FLNB: variants seen among roughly 807,000 people sequenced by gnomAD.
FLNB encodes the protein filamin-B.
In FLNB, 111 loss-of-function variants were observed where a neutral mutation model predicts 250.6. The observed-to-expected ratio is 0.44, with a 90% CI of 0.38 to 0.52. The LOEUF is 0.52. Among genes scored for constraint, FLNB ranks in the 20% least tolerant of loss-of-function variants. The pLI is 0.00. For synonymous variants in FLNB, 1,302 were observed against 1,372.1 expected, an observed-to-expected ratio of 0.95 and a Z score of 1.13; for missense variants, 2,869 against 3,447.8, an observed-to-expected ratio of 0.83 and a Z score of 4.20.
At position 58,169,503 on chromosome 3, in the gene FLNB, C is replaced by G. The variant is rs9870243; in HGVS notation, c.7418-87C>G. On this transcript the variant is annotated intron_variant, in intron 44 of 45. Transcript: ENST00000295956. The surrounding 1 kb of genome is among the most constrained non-coding windows in gnomAD (Gnocchi z 4.8). ...GGGTGCGCGGGCTCTCCTGGGGTTA[C>G]TGTGTAGGGTACTCGCCTGTCCTCT... is the stretch of plus-strand genomic sequence containing the variant. 0.28 allele frequency: 289,617 copies of G among 1,052,384 alleles called. 42,631 individuals are homozygous for G. Among genetic ancestry groups the G allele is most frequent in the Non-Finnish European group, 0.31 (207,028 of 669,256 alleles). The allele number at this position is 1,052,384 out of a possible 1,614,324, so 65.2% of individuals were successfully genotyped here.
At chr3:58,040,513 A>G (rs567901106) in intron 1 of FLNB, among the ~76,000 whole-genome samples, 1 of 152,136 alleles carries the variant, frequency 6.6e-6, no homozygotes, top group Admixed American at 6.5e-5. Context: ...ATTGTTGTTG[A>G]GATGGAATCC....
chr3:58,154,923 A>G lies in FLNB; in HGVS notation c.6767A>G (p.Glu2256Gly). ...GSCGVSYIAQ[E>G]PGNYEVSIKF... ...TGCGGTGTATCTTATATTGCCCAAG[A>G]GCCTGGTATGTATTCAGGGTTCACA... The change falls in exon 40 of 46, where the codon GAG (glutamate) becomes GGG (glycine). Residue 2256 changes from glutamate to glycine, a missense_variant. This residue lies in a region of FLNB where 1,084 missense variants were observed against 1,315.5 expected (regional missense o/e 0.82). Transcript: ENST00000295956. 1 of 1,613,958 alleles carries G rather than the reference A, an allele frequency of 6.2e-7. No individual in the cohort carries two copies. Among genetic ancestry groups the G allele is most frequent in the Non-Finnish European group, 8.5e-7 (1 of 1,179,882 alleles).
At chr3:58,054,022 G>T (rs983379607) in intron 1 of FLNB, among the ~76,000 whole-genome samples, 1 of 152,138 alleles carries the variant, frequency 6.6e-6, no homozygotes, top group Non-Finnish European at 1.5e-5. Flanking sequence ...GGGGCTTAAG[G>T]GGGTGAATTC....
intron 16 of FLNB, 135 bp downstream of exon 16, chr3:58,110,305 C>A: frequency 1.1e-6 from 1 of 924,204 alleles, no homozygotes; most frequent in Non-Finnish European, 1.7e-6. Flanking sequence ...CTCTTTCACC[C>A]AAGCTAGAGT....
intron 1 of FLNB, among the ~76,000 whole-genome samples, chr3:58,014,688 C>A (rs1187950041): frequency 6.6e-6 from 1 of 152,156 alleles, no homozygotes; most frequent in Non-Finnish European, 1.5e-5. Context: ...TAGGCCCTGC[C>A]TCCAGTAGCT....
chr3:58,071,300 A>G (rs1303229454), intron 1 of FLNB, among the ~76,000 whole-genome samples: 3 of 120,358 alleles, frequency 2.5e-5, no homozygotes, highest in Non-Finnish European at 5.0e-5. Context: ...TTTTTTTGAG[A>G]CAGAGTCTCC....
At chr3:58,083,367 C>CTTTTTTTTTTTTTTT (rs71091341) in intron 4 of FLNB, among the ~76,000 whole-genome samples, 1 of 91,488 alleles carries the variant, frequency 1.1e-5, no homozygotes, top group African/African-American at 4.3e-5. Flanking sequence ...TCAGCTTAGT[C>CTTTTTTTTTTTTTTT]TTTTTTTTTT....
chr3:58,101,180 C>T (rs538897965), intron 8 of FLNB, among the ~76,000 whole-genome samples: 1 of 152,246 alleles, frequency 6.6e-6, no homozygotes, highest in South Asian at 2.1e-4. Context: ...AGTTGTTTGC[C>T]AAATAGCCAG....
chr3:58,102,094 A>G (rs971765849), intron 8 of FLNB, 109 bp from the exon 9 acceptor site: 2 of 1,298,942 alleles, frequency 1.5e-6, no homozygotes, highest in South Asian at 1.2e-5. Context: ...ACTGCATACT[A>G]TTTGTGCAAA....
At chr3:58,031,253 A>G (rs2097130445) in intron 1 of FLNB, among the ~76,000 whole-genome samples, 2 of 151,892 alleles carry the variant, frequency 1.3e-5, no homozygotes, top group African/African-American at 4.8e-5. Flanking sequence ...TTATTTATTT[A>G]TCTTTTTCAC....
chr3:58,073,426 C>T (rs1205979724), intron 1 of FLNB, among the ~76,000 whole-genome samples: 1 of 152,082 alleles, frequency 6.6e-6, no homozygotes, highest in African/African-American at 2.4e-5. Context: ...AAGTTCCGTG[C>T]AGGGCCTGGA....
At chr3:58,127,143 G>A (rs139151500) in intron 24 of FLNB, among the ~76,000 whole-genome samples, 56 of 152,154 alleles carry the variant, frequency 3.7e-4, no homozygotes, top group African/African-American at 1.2e-3. Flanking sequence ...GGCAACATGG[G>A]GAATCCCCAT....
chr3:58,038,469 C>A (rs1360422236), intron 1 of FLNB, among the ~76,000 whole-genome samples: 1 of 149,496 alleles, frequency 6.7e-6, no homozygotes, highest in African/African-American at 2.5e-5. Context: ...TTGGGGGTCT[C>A]GCTCTGTTGC....
In FLNB at chr3:58,021,062, C is replaced by A. The variant is rs116073932; in HGVS notation, c.292+12206C>A. On this transcript the variant is annotated intron_variant, in intron 1 of 45. Coordinates refer to ENST00000295956, the MANE Select transcript of FLNB (RefSeq NM_001457.4). ...AAATAAGTTCTTATCATGCTTGTAC[C>A]ACACTTCTTGTGCGTATCACCCTGG... Among the ~76,000 whole-genome samples, 604 of 152,252 alleles carry A rather than the reference C, an allele frequency of 4.0e-3. 3 individuals are homozygous for A. Among genetic ancestry groups the A allele is most frequent in the African/African-American group, 0.014 (573 of 41,530 alleles).
chr3:58,111,487 G>C (rs77450973), intron 16 of FLNB, among the ~76,000 whole-genome samples: 2,714 of 151,924 alleles, frequency 0.018, 93 homozygotes, highest in African/African-American at 0.061. Flanking sequence ...TGTCGTTTTT[G>C]GTTTTATTCT....
chr3:58,134,305 G>A (rs1408347956), intron 26 of FLNB, among the ~76,000 whole-genome samples: 2 of 152,218 alleles, frequency 1.3e-5, no homozygotes, highest in African/African-American at 2.4e-5. Flanking sequence ...ATGATCTGAG[G>A]TGGAACAGTT....
chr3:58,038,850 C>T (rs972068363), intron 1 of FLNB, among the ~76,000 whole-genome samples: 8 of 152,066 alleles, frequency 5.3e-5, no homozygotes, highest in African/African-American at 1.9e-4. Flanking sequence ...GCACCCAGTG[C>T]ATAGAAGAGA....
chr3:58,118,475 C>T (rs186798552), intron 18 of FLNB, among the ~76,000 whole-genome samples: 192 of 152,254 alleles, frequency 1.3e-3, no homozygotes, highest in Non-Finnish European at 2.1e-3. Flanking sequence ...CAGCTCGCAC[C>T]CTTACCAAGG....
intron 1 of FLNB, among the ~76,000 whole-genome samples, chr3:58,044,426 G>A (rs2097150526): frequency 6.9e-6 from 1 of 145,620 alleles, no homozygotes; most frequent in South Asian, 2.4e-4. Flanking sequence ...AAGAGACCCT[G>A]TCTCTACAAA....
Sources: allele counts gnomAD v4.1 joint callset (sites outside exome capture counted in the v4.1 genomes callset), GRCh38; gene constraint gnomAD v4.1.1; regional missense constraint gnomAD v4.1.1; non-coding constraint Gnocchi (gnomAD v3.1); transcripts MANE v1.5; gene names NCBI Gene and HGNC (gene_info 2026-07-23, HGNC 2026-07-21).